SEMA6D: variants seen among roughly 807,000 people sequenced by gnomAD.
The protein encoded by SEMA6D is semaphorin-6D.
A neutral mutation model predicts 106.6 loss-of-function variants in SEMA6D; 35 were observed. The ratio of observed to expected loss-of-function variants is 0.33; its 90% confidence interval spans 0.25 to 0.44. The LOEUF is 0.44. SEMA6D is among the 20% of genes least tolerant of loss of function. SEMA6D has a pLI of 1.00. For missense variants in SEMA6D, 1,185 were observed against 1,345.9 expected, an observed-to-expected ratio of 0.88 and a Z score of 1.87; for synonymous variants, 499 against 487.7, an observed-to-expected ratio of 1.02 and a Z score of -0.31.
intron 3 of SEMA6D, among the ~76,000 whole-genome samples, chr15:47,579,244 C>T (rs546775906): frequency 5.3e-5 from 8 of 151,466 alleles, no homozygotes; most frequent in South Asian, 2.1e-4. Context: ...TGGGTTCAAA[C>T]GATTCTCCTG....
intron 3 of SEMA6D, among the ~76,000 whole-genome samples, chr15:47,502,423 GT>G (rs1209494705): frequency 2.0e-5 from 3 of 152,182 alleles, no homozygotes; most frequent in African/African-American, 7.2e-5. Flanking sequence ...GGTCTCTGTT[GT>G]TTTGTTTTGG....
chr15:47,740,064 G>A (rs1009510309), intron 1 of SEMA6D, among the ~76,000 whole-genome samples: 3 of 152,164 alleles, frequency 2.0e-5, no homozygotes, highest in African/African-American at 7.2e-5. Flanking sequence ...TCATAAAGTA[G>A]AGCCTGCTTT....
intron 4 of SEMA6D, 27 bp from the exon 5 acceptor site, chr15:47,761,131 T>G (rs761225388): frequency 3.1e-6 from 5 of 1,613,144 alleles, no homozygotes; most frequent in Non-Finnish European, 4.2e-6. Context: ...AGTTAAAAAC[T>G]GCTTTGGTTT....
chr15:47,199,373 G>C (rs1894566585), intron 1 of SEMA6D, among the ~76,000 whole-genome samples: 1 of 152,154 alleles, frequency 6.6e-6, no homozygotes, highest in South Asian at 2.1e-4. Flanking sequence ...CTTGCTGGGT[G>C]GAGTAGGTTT....
At chr15:47,482,268 A>T (rs779939538) in intron 3 of SEMA6D, among the ~76,000 whole-genome samples, 1 of 152,188 alleles carries the variant, frequency 6.6e-6, no homozygotes, top group Non-Finnish European at 1.5e-5. Context: ...TATATTAAAG[A>T]TAGTAAAGAG....
intron 3 of SEMA6D, among the ~76,000 whole-genome samples, chr15:47,473,777 A>G (rs187102159): frequency 6.6e-6 from 1 of 152,152 alleles, no homozygotes; most frequent in African/African-American, 2.4e-5. Context: ...AAAAACTGTG[A>G]CTACACTGCT....
At chr15:47,234,377 A>T (rs560237333) in intron 1 of SEMA6D, among the ~76,000 whole-genome samples, 1 of 152,130 alleles carries the variant, frequency 6.6e-6, no homozygotes, top group Non-Finnish European at 1.5e-5. Flanking sequence ...TTGGGATACA[A>T]ATGGTTTTTG....
At chr15:47,628,021 G>A (rs2077232126) in intron 4 of SEMA6D, among the ~76,000 whole-genome samples, 1 of 151,794 alleles carries the variant, frequency 6.6e-6, no homozygotes, top group Non-Finnish European at 1.5e-5. Context: ...TCAATAATTT[G>A]TTTCTGTTTC....
At chr15:47,445,417 AG>A (rs1409462970) in intron 2 of SEMA6D, among the ~76,000 whole-genome samples, 2 of 152,206 alleles carry the variant, frequency 1.3e-5, no homozygotes, top group Middle Eastern at 3.4e-3. Flanking sequence ...TGTGGAAAAT[AG>A]GGAAGAGAGA....
At chr15:47,756,364 A>C (rs146530956) in intron 1 of SEMA6D, among the ~76,000 whole-genome samples, 78 of 152,242 alleles carry the variant, frequency 5.1e-4, no homozygotes, top group Middle Eastern at 3.4e-3. Context: ...TTTGCCAGAC[A>C]AGACGTAACC....
At chr15:47,456,869 AAAAG>A (rs2042360234) in intron 2 of SEMA6D, among the ~76,000 whole-genome samples, 1 of 151,956 alleles carries the variant, frequency 6.6e-6, no homozygotes, top group South Asian at 2.1e-4. Flanking sequence ...CAGAGTACTG[AAAAG>A]AAAGAGCTGC....
intron 1 of SEMA6D, among the ~76,000 whole-genome samples, chr15:47,286,109 G>T (rs1204401822): frequency 6.6e-6 from 1 of 152,102 alleles, no homozygotes; most frequent in African/African-American, 2.4e-5. Flanking sequence ...ACTCTGGGTT[G>T]GACCTGTCTA....
chr15:47,698,636 C>T (rs546699854), intron 4 of SEMA6D, among the ~76,000 whole-genome samples: 1 of 152,266 alleles, frequency 6.6e-6, no homozygotes, highest in African/African-American at 2.4e-5. Flanking sequence ...CCATCTTTTC[C>T]TCTGATATAG....
At chr15:47,555,104 G>T (rs1056656820) in intron 3 of SEMA6D, among the ~76,000 whole-genome samples, 1 of 152,148 alleles carries the variant, frequency 6.6e-6, no homozygotes, top group African/African-American at 2.4e-5. Context: ...CGTACAACAA[G>T]TAAAGGTAGA....
chr15:47,285,498 G>C (rs2035321157), intron 1 of SEMA6D, among the ~76,000 whole-genome samples: 1 of 151,934 alleles, frequency 6.6e-6, no homozygotes, highest in African/African-American at 2.4e-5. Context: ...AAGGGAAGGA[G>C]AAAGTAATAA....
chr15:47,399,017 TTA>T (rs1435537593), intron 1 of SEMA6D, among the ~76,000 whole-genome samples: 1 of 152,178 alleles, frequency 6.6e-6, no homozygotes, highest in Non-Finnish European at 1.5e-5. Flanking sequence ...TAATCAAGAT[TTA>T]TGAGCCACCA....
intron 1 of SEMA6D, among the ~76,000 whole-genome samples, chr15:47,222,632 ATC>A (rs1440006217): frequency 6.6e-6 from 1 of 152,180 alleles, no homozygotes. Context: ...CCTGGGAAAA[ATC>A]TCTCAGCTTC....
At chr15:47,383,342 A>G (rs548948619) in intron 1 of SEMA6D, among the ~76,000 whole-genome samples, 1 of 152,330 alleles carries the variant, frequency 6.6e-6, no homozygotes, top group East Asian at 1.9e-4. Context: ...GATGGCACAT[A>G]TGGAAAGTAC....
At chr15:47,693,693 G>A (rs1045309941) in intron 4 of SEMA6D, among the ~76,000 whole-genome samples, 2 of 152,064 alleles carry the variant, frequency 1.3e-5, no homozygotes, top group Non-Finnish European at 1.5e-5. Context: ...CCAACACTTC[G>A]GGAGGGCAAG....
Sources: allele counts gnomAD v4.1 joint callset (sites outside exome capture counted in the v4.1 genomes callset), GRCh38; gene constraint gnomAD v4.1.1; transcripts MANE v1.5; gene names NCBI Gene and HGNC (gene_info 2026-07-23, HGNC 2026-07-21).